PARD3B: variants seen among roughly 807,000 people sequenced by gnomAD.
PARD3B encodes the protein partitioning defective 3 homolog B.
PARD3B carries 103 observed loss-of-function variants against 130.2 expected under a neutral mutation model. The observed-to-expected ratio is 0.79, with a 90% CI of 0.67 to 0.93. PARD3B has a LOEUF of 0.93. Ranked by LOEUF, PARD3B falls within the 40% of genes least tolerant of loss-of-function variation. The pLI, the probability that PARD3B is intolerant of heterozygous loss-of-function variation, is 0.00. For synonymous variants in PARD3B, 583 were observed against 553.2 expected (o/e 1.05, Z -0.76); for missense variants, 1,609 against 1,499.2 (o/e 1.07, Z -1.21).
At chr2:205,271,553 A>T (rs1281298234) in intron 16 of PARD3B, among the ~76,000 whole-genome samples, 1 of 152,222 alleles carries the variant, frequency 6.6e-6, no homozygotes, top group Non-Finnish European at 1.5e-5. Flanking sequence ...ATTACTCTAA[A>T]TTGACATAAT....
rs536923071 is a variant in PARD3B at position 204,803,347 on chromosome 2, C to T, written c.222+117065C>T. ...AACAATAGGAAATCATCTGAAGATA[C>T]AAACCTCACTGGTAATCGTAAGTAT... On this transcript the variant is annotated intron_variant, in intron 2 of 22. Coordinates refer to ENST00000406610, the MANE Select transcript of PARD3B (RefSeq NM_001302769.2). Among the ~76,000 whole-genome samples the T allele has an allele frequency of 2.6e-5, 4 of 151,676 alleles. No individual in the cohort carries two copies. In the South Asian group the frequency reaches 8.3e-4, roughly 32 times the overall value.
At chr2:204,703,757 T>C (rs2038004551) in intron 2 of PARD3B, among the ~76,000 whole-genome samples, 1 of 152,170 alleles carries the variant, frequency 6.6e-6, no homozygotes, top group African/African-American at 2.4e-5. Context: ...CTGCTTCATG[T>C]CCCACCACAC....
At chr2:205,489,041 G>C (rs553830713) in intron 20 of PARD3B, among the ~76,000 whole-genome samples, 1 of 152,252 alleles carries the variant, frequency 6.6e-6, no homozygotes, top group East Asian at 1.9e-4. Context: ...TTGCATGTAT[G>C]TATGCTTGTT....
At chr2:205,305,538 A>T (rs1295471436) in intron 18 of PARD3B, among the ~76,000 whole-genome samples, 1 of 152,220 alleles carries the variant, frequency 6.6e-6, no homozygotes, top group Non-Finnish European at 1.5e-5. Context: ...AGAATTTATG[A>T]ACTGTGAGTT....
In PARD3B at chr2:205,121,441, G is replaced by A. The variant is rs1340548767; in HGVS notation, c.807-150G>A. Reference sequence around the variant, plus strand: ...GCAAATAGTAAGTGGTAACTAGTATGTAGTTGGCAAAGTCATTCTGATAGG... The same window carrying A: ...GCAAATAGTAAGTGGTAACTAGTATATAGTTGGCAAAGTCATTCTGATAGG... On this transcript the variant is annotated intron_variant, in intron 7 of 22. Coordinates refer to ENST00000406610, the MANE Select transcript of PARD3B (RefSeq NM_001302769.2). This position sits in a 1 kb window ranked among gnomAD's most constrained non-coding sequence, Gnocchi z 5.0. 1 of 716,432 alleles carries A rather than the reference G, an allele frequency of 1.4e-6. No individual in the cohort carries two copies. The highest frequency in any genetic ancestry group is 1.8e-5 in the African/African-American group (1 of 56,840). The allele number at this position is 716,432 out of a possible 1,614,324, so 44.4% of individuals were successfully genotyped here. A position where few individuals can be genotyped will look rare whatever the true frequency, so the allele number is the denominator to read the frequency against.
At position 205,564,305 on chromosome 2, in the gene PARD3B, TA is replaced by T. The variant is rs2053242948; in HGVS notation, c.3260+10906del. 6.6e-6 allele frequency among the ~76,000 whole-genome samples: 1 copy of T among 152,162 alleles called. No homozygotes were observed. The highest frequency in any genetic ancestry group is 1.5e-5 in the Non-Finnish European group (1 of 68,028). ...CACCCTAAATCACTGCAGTGTATAT[TA>T]AAATGAGCATTTCAATGGATAAACC... On this transcript the variant is annotated intron_variant, in intron 22 of 22. Coordinates refer to ENST00000406610, the MANE Select transcript of PARD3B (RefSeq NM_001302769.2). This position sits in a 1 kb window ranked among gnomAD's most constrained non-coding sequence, Gnocchi z 4.6.
At chr2:204,716,698 C>T (rs561777902) in intron 2 of PARD3B, among the ~76,000 whole-genome samples, 1 of 149,314 alleles carries the variant, frequency 6.7e-6, no homozygotes, top group South Asian at 2.1e-4. Flanking sequence ...TCTCGGCTCA[C>T]TGCAAGTTCC....
intron 2 of PARD3B, among the ~76,000 whole-genome samples, chr2:204,955,000 C>T (rs951040150): frequency 6.6e-6 from 1 of 152,098 alleles, no homozygotes; most frequent in Non-Finnish European, 1.5e-5. Flanking sequence ...ATAGGCTGCT[C>T]TATTTGTAGC....
chr2:205,510,364 C>G (rs1423768120), intron 21 of PARD3B, among the ~76,000 whole-genome samples: 1 of 152,196 alleles, frequency 6.6e-6, no homozygotes, highest in African/African-American at 2.4e-5. Flanking sequence ...TCCTTAGCCT[C>G]TTCGGTTATT....
chr2:204,592,175 A>G (rs2033100957), intron 1 of PARD3B, among the ~76,000 whole-genome samples: 1 of 152,250 alleles, frequency 6.6e-6, no homozygotes, highest in African/African-American at 2.4e-5. Flanking sequence ...GACCAACCGC[A>G]TCAATTTAGG....
chr2:205,244,767 C>T lies in PARD3B; in HGVS notation c.2141-1011C>T, dbSNP rs1043982477. Reference sequence around the variant, plus strand: ...TAATTGTGTCTTTTAAAAACGAATCCGTTTCATCAGAGCTCCATTAATCTA... The same window carrying T: ...TAATTGTGTCTTTTAAAAACGAATCTGTTTCATCAGAGCTCCATTAATCTA... On this transcript the variant is annotated intron_variant, in intron 15 of 22. Coordinates refer to ENST00000406610, the MANE Select transcript of PARD3B (RefSeq NM_001302769.2). The surrounding 1 kb of genome is among the most constrained non-coding windows in gnomAD (Gnocchi z 4.7). Among the ~76,000 whole-genome samples, 3 of 152,020 alleles carry T rather than the reference C, an allele frequency of 2.0e-5. No individual in the cohort carries two copies. Among genetic ancestry groups the T allele is most frequent in the Non-Finnish European group, 2.9e-5 (2 of 68,000 alleles).
chr2:205,302,065 C>CTTTTT (rs3048088), intron 18 of PARD3B, among the ~76,000 whole-genome samples: 1,169 of 77,706 alleles, frequency 0.015, 59 homozygotes, highest in Middle Eastern at 0.047. Flanking sequence ...TTTTTCTTTT[C>CTTTTT]TTTTTTTTTT....
At chr2:204,773,472 G>A (rs774818165) in intron 2 of PARD3B, among the ~76,000 whole-genome samples, 10 of 151,520 alleles carry the variant, frequency 6.6e-5, no homozygotes, top group Non-Finnish European at 1.2e-4. Context: ...TTTTCCATTT[G>A]TTGCATTTCA....
chr2:204,686,058 G>T (rs758553572), intron 1 of PARD3B, 123 bp from the exon 2 acceptor site: 2 of 648,280 alleles, frequency 3.1e-6, no homozygotes, highest in Non-Finnish European at 5.4e-6. Context: ...TTTGTTTTCA[G>T]TGTTTAAAAA....
rs1432066686 is a variant in PARD3B at position 205,325,525 on chromosome 2, A to AG, written c.2630+23824_2630+23825insG. Reference sequence around the variant, plus strand: ...GTTTACTAATATCATCTCATTGTTTATTAGTAGTAGTAGTAGTAGTAGTCT... The same window carrying AG: ...GTTTACTAATATCATCTCATTGTTTAGTTAGTAGTAGTAGTAGTAGTAGTCT... On this transcript the variant is annotated intron_variant, in intron 18 of 22. Coordinates refer to ENST00000406610, the MANE Select transcript of PARD3B (RefSeq NM_001302769.2). This position sits in a 1 kb window ranked among gnomAD's most constrained non-coding sequence, Gnocchi z 4.1. Among the ~76,000 whole-genome samples, 19 of 68,432 alleles carry AG rather than the reference A, an allele frequency of 2.8e-4. No individual in the cohort carries two copies. The highest frequency in any genetic ancestry group is 6.9e-4 in the South Asian group (1 of 1,440). The allele number at this position is 68,432 out of a possible 152,430, so 44.9% of individuals were successfully genotyped here.
At chr2:204,765,092 A>G (rs2041085916) in intron 2 of PARD3B, among the ~76,000 whole-genome samples, 1 of 152,192 alleles carries the variant, frequency 6.6e-6, no homozygotes, top group African/African-American at 2.4e-5. Flanking sequence ...GATTTGGTTA[A>G]CTGAGAGAAG....
chr2:205,571,280 T>C (rs1559228323), intron 22 of PARD3B, among the ~76,000 whole-genome samples: 3 of 152,242 alleles, frequency 2.0e-5, no homozygotes, highest in African/African-American at 7.2e-5. Flanking sequence ...AAGCGAAAGA[T>C]GGTTACATAA....
At chr2:205,318,783 CA>C (rs2042646133) in intron 18 of PARD3B, among the ~76,000 whole-genome samples, 1 of 152,080 alleles carries the variant, frequency 6.6e-6, no homozygotes, top group South Asian at 2.1e-4. Flanking sequence ...CTGAGAGTTG[CA>C]ATCCTTTGAT....
rs1184431819 is a variant in PARD3B at position 204,992,439 on chromosome 2, C to G, written c.394+27116C>G. ...TCTGTTCTGTTCCATTGATCTATAT[C>G]TCTGTTTTGGTACCAGTACCATGCT... On this transcript the variant is annotated intron_variant, in intron 3 of 22. Transcript: ENST00000406610. Among the ~76,000 whole-genome samples the G allele has an allele frequency of 6.0e-5, 8 of 134,338 alleles. No homozygotes were observed. In the South Asian group the frequency reaches 1.6e-3, roughly 27 times the overall value. The allele number at this position is 134,338 out of a possible 152,430, so 88.1% of individuals were successfully genotyped here.
Sources: allele counts gnomAD v4.1 joint callset (sites outside exome capture counted in the v4.1 genomes callset), GRCh38; gene constraint gnomAD v4.1.1; non-coding constraint Gnocchi (gnomAD v3.1); transcripts MANE v1.5; gene names NCBI Gene and HGNC (gene_info 2026-07-23, HGNC 2026-07-21).